The following SREK1 variants were observed in gnomAD, a reference collection of about 807,000 sequenced individuals.
The protein encoded by SREK1 is splicing regulatory glutamine/lysine-rich protein 1.
In SREK1, 13 loss-of-function variants were observed where a neutral mutation model predicts 66.5. The observed-to-expected ratio is 0.20, with a 90% CI of 0.13 to 0.31. The LOEUF is 0.31. Among genes scored for constraint, SREK1 ranks in the 10% least tolerant of loss-of-function variants. SREK1 has a pLI of 1.00. For synonymous variants in SREK1, 265 were observed against 263.5 expected (o/e 1.01, Z -0.05); for missense variants, 607 against 769.6 (o/e 0.79, Z 2.50).
chr5:66,166,049 A>ACC (rs1455066626), intron 7 of SREK1: 1 of 152,240 alleles, frequency 6.6e-6, no homozygotes, highest in Non-Finnish European at 1.5e-5. Context: ...CCAAGGACTT[A>ACC]CAGTAAGACA....
intron 8 of SREK1, among the ~76,000 whole-genome samples, chr5:66,170,375 T>C (rs1745530679): frequency 3.3e-5 from 5 of 152,208 alleles, no homozygotes; most frequent in Admixed American, 3.3e-4. Context: ...GTGTGACTCA[T>C]GAGGTTTCCA....
intron 1 of SREK1, among the ~76,000 whole-genome samples, chr5:66,146,459 G>C (rs558695244): frequency 6.0e-4 from 91 of 152,226 alleles, no homozygotes; most frequent in Non-Finnish European, 9.4e-4. Flanking sequence ...AAGTCAAAGA[G>C]AATAAAAAGT....
rs756642132 is a variant in SREK1 at position 66,178,877 on chromosome 5, A to G, written c.*9A>G. On this transcript the variant is annotated 3_prime_UTR_variant, in exon 12 of 12. Transcript: ENST00000334121. ...AAACAGAAGCAGTATAGGACCGACA[A>G]GTGTACCTCTGCACTCAATGCTGGA... 5 of 1,603,452 alleles carry G rather than the reference A, an allele frequency of 3.1e-6. No homozygotes were observed. Among genetic ancestry groups the G allele is most frequent in the Admixed American group, 3.4e-5 (2 of 58,914 alleles).
chr5:66,157,657 C>G, intron 2 of SREK1: 2 of 969,562 alleles, frequency 2.1e-6, no homozygotes, highest in Non-Finnish European at 2.5e-6. Context: ...TAAGGCCTAC[C>G]TGCCTTTTGT....
chr5:66,160,149 C>T (rs1396730624), intron 3 of SREK1, among the ~76,000 whole-genome samples: 4 of 151,802 alleles, frequency 2.6e-5, no homozygotes, highest in African/African-American at 9.7e-5. Context: ...GGGTATATTA[C>T]TATTACTGGT....
Position 66,174,890 on chromosome 5 carries a change from G to A in SREK1, c.1485-56G>A. ...AGGACCCTTTTGCTTTTGTATATTT[G>A]AATTGCCGTTTATTTCAATTGCTGT... is the stretch of plus-strand genomic sequence containing the variant. On this transcript the variant is annotated intron_variant, in intron 9 of 11. Transcript: ENST00000334121. 3.3e-6 allele frequency: 5 copies of A among 1,529,694 alleles called. No homozygotes were observed. In the East Asian group the frequency reaches 1.2e-4, roughly 35 times the overall value. 94.8% of individuals were successfully genotyped at this position (1,529,694 alleles called of 1,614,324 possible).
Position 66,170,916 on chromosome 5 carries a change from A to T in SREK1, c.1453A>T (p.Asn485Tyr). Reference sequence around the variant, plus strand: ...ATCCAGAACACCACCCAGGAGTTACAATGCATCGCGAAGATCTCGTAGTTC... The same window carrying T: ...ATCCAGAACACCACCCAGGAGTTACTATGCATCGCGAAGATCTCGTAGTTC... ...KKSRTPPRSY[N>Y]ASRRSRSSSR... Residue 485 changes from asparagine (N) to tyrosine (Y), a missense_variant, in exon 9 of 12, where the codon AAT (asparagine) becomes TAT (tyrosine). Asn to Tyr is a moderately radical substitution (Grantham distance 143, BLOSUM62 -2). Coordinates refer to ENST00000334121, the MANE Select transcript of SREK1 (RefSeq NM_001077199.3). The T allele has an allele frequency of 6.2e-7, 1 of 1,610,206 alleles. No individual in the cohort carries two copies. Among genetic ancestry groups the T allele is most frequent in the Non-Finnish European group, 8.5e-7 (1 of 1,179,052 alleles).
rs905329545 is a variant in SREK1 at position 66,148,705 on chromosome 5, G to T, written c.161+4168G>T. ...TCAAACTCCTGGGCTTAAGCAGTCCGCCTGCTTTGGCATCCTAAAGTGCTG... is the reference window on the plus strand; with the variant it reads ...TCAAACTCCTGGGCTTAAGCAGTCCTCCTGCTTTGGCATCCTAAAGTGCTG... On this transcript the variant is annotated intron_variant, in intron 1 of 11. Transcript: ENST00000334121. Among the ~76,000 whole-genome samples, 44 of 152,004 alleles carry T rather than the reference G, an allele frequency of 2.9e-4. No homozygotes were observed. In the South Asian group the frequency reaches 4.2e-3, roughly 14 times the overall value.
chr5:66,161,104 T>A (rs1021315840), intron 3 of SREK1, among the ~76,000 whole-genome samples: 9 of 152,190 alleles, frequency 5.9e-5, no homozygotes, highest in Non-Finnish European at 1.3e-4. Context: ...ACTTTCAGCA[T>A]GATAATAATA....
Position 66,153,570 on chromosome 5 carries a change from C to T in SREK1, c.269C>T (p.Ala90Val). The change falls in exon 2 of 12, where the codon GCT becomes GTT. Residue 90 changes from alanine to valine, a missense_variant. Physicochemically the swap from Ala to Val is moderately conservative, Grantham distance 64. Around this residue, in one of 5 missense-constraint regions of SREK1, gnomAD observed 99 missense variants for 186.6 expected, o/e 0.53. Transcript: ENST00000334121. Reference sequence around the variant, plus strand: ...ACTAACACGGTTTTTATTGACAGAGCTCTGATAGTTGTTCCTTGTGCAGAA... The same window carrying T: ...ACTAACACGGTTTTTATTGACAGAGTTCTGATAGTTGTTCCTTGTGCAGAA... ...HLTNTVFIDR[A>V]LIVVPCAEGK... 6.2e-7 allele frequency: 1 copy of T among 1,614,012 alleles called. No individual in the cohort carries two copies. Among genetic ancestry groups the T allele is most frequent in the Non-Finnish European group, 8.5e-7 (1 of 1,179,952 alleles).
rs1744822174 is a variant in SREK1 at position 66,162,100 on chromosome 5, T to C, written c.412-9T>C. The stretch of plus-strand genomic sequence containing the variant: ...TGTGTTCTGTGTGTTTTTTTTCTTC[T>C]TTCGATAGCTTGGTGTTTCACTTAG... On this transcript the variant is annotated splice_polypyrimidine_tract_variant and intron_variant, in intron 3 of 11. Coordinates refer to ENST00000334121, the MANE Select transcript of SREK1 (RefSeq NM_001077199.3). 3 of 1,605,996 alleles carry C rather than the reference T, an allele frequency of 1.9e-6. No homozygotes were observed. In the South Asian group the frequency reaches 3.4e-5, roughly 18 times the overall value.
chr5:66,178,204 T>G (rs1374351646), intron 11 of SREK1, among the ~76,000 whole-genome samples: 1 of 152,012 alleles, frequency 6.6e-6, no homozygotes, highest in Non-Finnish European at 1.5e-5. Flanking sequence ...GATAGACGAT[T>G]ATCATCATCA....
At chr5:66,153,000 T>C (rs1293255960) in intron 1 of SREK1, among the ~76,000 whole-genome samples, 1 of 152,182 alleles carries the variant, frequency 6.6e-6, no homozygotes, top group Non-Finnish European at 1.5e-5. Context: ...CAATTTAAAT[T>C]CCATACTACC....
chr5:66,170,961 T>C lies in SREK1; in HGVS notation c.1484+14T>C. ...TAGTTCCAGCAGGTTTGATAATGCT[T>C]AAAATTTTTACAAAGGGATTTGCTG... On this transcript the variant is annotated intron_variant, in intron 9 of 11. Transcript: ENST00000334121. 1 of 1,575,912 alleles carries C rather than the reference T, an allele frequency of 6.3e-7. No homozygotes were observed.
At position 66,144,910 on chromosome 5, in the gene SREK1, TC is replaced by T. The variant is rs1469554578; in HGVS notation, c.161+375del. 5.0e-6 allele frequency: 5 copies of T among 998,328 alleles called. No individual in the cohort carries two copies. In the African/African-American group the frequency reaches 8.7e-5, roughly 17 times the overall value. The allele number at this position is 998,328 out of a possible 1,614,324, so 61.8% of individuals were successfully genotyped here. A position where few individuals can be genotyped will look rare whatever the true frequency, so the allele number is the denominator to read the frequency against. ...CATGGCAAACGTCTCAGAGCGTTTT[TC>T]CACTCTGAAAATCGCGGAGACCGCG... is the stretch of plus-strand genomic sequence containing the variant. On this transcript the variant is annotated intron_variant, in intron 1 of 11. Transcript: ENST00000334121.
At chr5:66,165,667 G>T (rs1379980156) in intron 7 of SREK1, 1 of 152,132 alleles carries the variant, frequency 6.6e-6, no homozygotes, top group Non-Finnish European at 1.5e-5. Flanking sequence ...GGTACGGAGG[G>T]GGCTGTTTTT....
intron 1 of SREK1, chr5:66,144,741 G>A (rs1580603817): frequency 1.6e-6 from 2 of 1,261,514 alleles, no homozygotes; most frequent in East Asian, 6.1e-5. Context: ...ACTACTGCAC[G>A]GAGCCCTTAC....
Position 66,175,046 on chromosome 5 carries a change from G to A in SREK1, c.1580+5G>A. The A allele has an allele frequency of 6.2e-7, 1 of 1,607,636 alleles. No homozygotes were observed. The highest frequency in any genetic ancestry group is 1.3e-5 in the African/African-American group (1 of 74,850). ...TAGATCTCCGTCCCCCAGGAGGTAG[G>A]TTGGGAGCTTGTGCTAAAACTAAAC... On this transcript the variant is annotated splice_donor_5th_base_variant and intron_variant, in intron 10 of 11. Coordinates refer to ENST00000334121, the MANE Select transcript of SREK1 (RefSeq NM_001077199.3).
chr5:66,156,267 T>G (rs1744277568), intron 2 of SREK1: 1 of 1,320,006 alleles, frequency 7.6e-7, no homozygotes, highest in African/African-American at 1.5e-5. Flanking sequence ...CCTTTTTTTG[T>G]TTTTGTTTTT....
Sources: allele counts gnomAD v4.1 joint callset (sites outside exome capture counted in the v4.1 genomes callset), GRCh38; gene constraint gnomAD v4.1.1; regional missense constraint gnomAD v4.1.1; transcripts MANE v1.5; gene names NCBI Gene and HGNC (gene_info 2026-07-23, HGNC 2026-07-21).